The following FBLN5 variants were observed in gnomAD, a reference collection of about 807,000 sequenced individuals.
FBLN5 encodes the protein fibulin 5, also known as fibulin-5.
In FBLN5, 24 loss-of-function variants were observed where a neutral mutation model predicts 61.6. The ratio of observed to expected loss-of-function variants is 0.39; its 90% confidence interval spans 0.28 to 0.55. The LOEUF (loss-of-function observed/expected upper bound fraction) is 0.55. Among genes scored for constraint, FBLN5 ranks in the 20% least tolerant of loss-of-function variants. FBLN5 has a pLI of 0.65. For synonymous variants in FBLN5, 213 were observed against 219.8 expected (o/e 0.97, Z 0.27); for missense variants, 470 against 594.1 (o/e 0.79, Z 2.17).
intron 10 of FBLN5, among the ~76,000 whole-genome samples, chr14:91,875,667 C>T (rs1241355873): frequency 6.6e-6 from 1 of 152,200 alleles, no homozygotes; most frequent in Non-Finnish European, 1.5e-5. Flanking sequence ...CTTTCTACCA[C>T]CTGCTCCTCC....
At chr14:91,891,716 T>G (rs1890004792) in intron 5 of FBLN5, among the ~76,000 whole-genome samples, 2 of 152,192 alleles carry the variant, frequency 1.3e-5, no homozygotes, top group African/African-American at 4.8e-5. Context: ...CTCTAAGATT[T>G]GAGATTACCC....
chr14:91,882,949 C>T lies in FBLN5; in HGVS notation c.862+5G>A. Reference sequence around the variant, plus strand: ...CCCCAGCCAGGCCCCTCCGGACAGCCTTACCTTGGCAGCTTCGGTTGTCAT... The same window carrying T: ...CCCCAGCCAGGCCCCTCCGGACAGCTTTACCTTGGCAGCTTCGGTTGTCAT... On this transcript the variant is annotated splice_donor_5th_base_variant and intron_variant, in intron 8 of 10. Transcript: ENST00000342058. The surrounding 1 kb of genome is among the most constrained non-coding windows in gnomAD (Gnocchi z 4.9). 2 of 1,613,764 alleles carry T rather than the reference C, an allele frequency of 1.2e-6. No homozygotes were observed. Among genetic ancestry groups the T allele is most frequent in the Non-Finnish European group, 1.7e-6 (2 of 1,179,778 alleles).
At chr14:91,892,835 G>A (rs1890049874) in intron 5 of FBLN5, among the ~76,000 whole-genome samples, 1 of 152,228 alleles carries the variant, frequency 6.6e-6, no homozygotes, top group Non-Finnish European at 1.5e-5. Context: ...CATTTTGAAA[G>A]GGAAAGGTGA....
Position 91,947,176 on chromosome 14 carries a change from A to G in FBLN5, c.17+37T>C. On this transcript the variant is annotated intron_variant, in intron 1 of 10. Transcript: ENST00000342058. This position sits in a 1 kb window ranked among gnomAD's most constrained non-coding sequence, Gnocchi z 4.3. Reference sequence around the variant, plus strand: ...ATCGGATTTTTAGCAAGGCTTCCAGACCCTGGAGAAAGAAAAGTCCAGCGC... The same window carrying G: ...ATCGGATTTTTAGCAAGGCTTCCAGGCCCTGGAGAAAGAAAAGTCCAGCGC... 3 of 1,613,960 alleles carry G rather than the reference A, an allele frequency of 1.9e-6. No individual in the cohort carries two copies. The highest frequency in any genetic ancestry group is 2.5e-6 in the Non-Finnish European group (3 of 1,179,844).
intron 4 of FBLN5, among the ~76,000 whole-genome samples, chr14:91,908,362 G>A (rs1890771897): frequency 6.6e-6 from 1 of 152,080 alleles, no homozygotes; most frequent in Non-Finnish European, 1.5e-5. Flanking sequence ...CCCCTTCTTA[G>A]CAGCATTTGG....
intron 5 of FBLN5, 97 bp from the exon 6 acceptor site, chr14:91,891,434 C>A (rs1889991944): frequency 1.2e-6 from 1 of 841,128 alleles, no homozygotes; most frequent in African/African-American, 1.7e-5. Flanking sequence ...CAAACAGGAT[C>A]ATGAACGGAA....
chr14:91,898,568 A>G (rs1390436238), intron 4 of FBLN5, among the ~76,000 whole-genome samples: 1 of 152,128 alleles, frequency 6.6e-6, no homozygotes. Flanking sequence ...CACAGAAGGA[A>G]AAATACATTG....
At chr14:91,908,716 A>C (rs933450832) in intron 4 of FBLN5, among the ~76,000 whole-genome samples, 1 of 152,208 alleles carries the variant, frequency 6.6e-6, no homozygotes, top group Non-Finnish European at 1.5e-5. Context: ...GTTCTAAAAC[A>C]TAGGAGCCCA....
chr14:91,923,127 C>T (rs941312203), intron 4 of FBLN5, among the ~76,000 whole-genome samples: 4 of 152,162 alleles, frequency 2.6e-5, no homozygotes, highest in Non-Finnish European at 5.9e-5. Flanking sequence ...TGGAGGAAGC[C>T]TCACAGATAA....
chr14:91,927,436 C>T (rs954572667), intron 4 of FBLN5, among the ~76,000 whole-genome samples: 4 of 152,218 alleles, frequency 2.6e-5, no homozygotes, highest in Admixed American at 6.5e-5. Flanking sequence ...TGTACAGAAC[C>T]TATGTGAGTC....
At chr14:91,886,226 T>C (rs1889718112) in intron 7 of FBLN5, among the ~76,000 whole-genome samples, 1 of 152,212 alleles carries the variant, frequency 6.6e-6, no homozygotes, top group Non-Finnish European at 1.5e-5. Flanking sequence ...ATTTAGACTT[T>C]GCAAATTCAC....
intron 1 of FBLN5, chr14:91,946,927 C>T: frequency 2.1e-6 from 3 of 1,457,270 alleles, no homozygotes; most frequent in Non-Finnish European, 2.7e-6. Flanking sequence ...AGTTGCTGCC[C>T]TTTCCAGAAA....
chr14:91,943,817 C>T lies in FBLN5; in HGVS notation c.18-856G>A, dbSNP rs918235776. Among the ~76,000 whole-genome samples, 4 of 152,024 alleles carry T rather than the reference C, an allele frequency of 2.6e-5. No individual in the cohort carries two copies. Among genetic ancestry groups the T allele is most frequent in the African/African-American group, 7.2e-5 (3 of 41,400 alleles). On this transcript the variant is annotated intron_variant, in intron 1 of 10. Transcript: ENST00000342058. This position sits in a 1 kb window ranked among gnomAD's most constrained non-coding sequence, Gnocchi z 4.0. Reference sequence around the variant, plus strand: ...CCTGTCCCCTGAAGAGTGTGGCCTGCGGGAACTGCTGCCAGCAGGTCCTGA... The same window carrying T: ...CCTGTCCCCTGAAGAGTGTGGCCTGTGGGAACTGCTGCCAGCAGGTCCTGA...
At chr14:91,886,090 T>G (rs1397256413) in intron 7 of FBLN5, among the ~76,000 whole-genome samples, 1 of 152,246 alleles carries the variant, frequency 6.6e-6, no homozygotes, top group East Asian at 1.9e-4. Context: ...GTTCCATTCA[T>G]GACCTGGGTC....
Position 91,924,145 on chromosome 14 carries a change from G to A in FBLN5, c.379+12802C>T, listed in dbSNP as rs541212587. Among the ~76,000 whole-genome samples the A allele has an allele frequency of 2.6e-5, 4 of 152,300 alleles. No individual in the cohort carries two copies. The South Asian group carries it at 8.3e-4, about 32-fold the overall frequency. ...TCTCCTGTTCAAGGTCATCACCAAGGTCTGATTGCAAAAATTTTAAAAATT... is the reference window on the plus strand; with the variant it reads ...TCTCCTGTTCAAGGTCATCACCAAGATCTGATTGCAAAAATTTTAAAAATT... On this transcript the variant is annotated intron_variant, in intron 4 of 10. Transcript: ENST00000342058.
intron 1 of FBLN5, among the ~76,000 whole-genome samples, chr14:91,946,136 G>A (rs1448652120): frequency 1.3e-5 from 2 of 151,744 alleles, no homozygotes; most frequent in African/African-American, 4.8e-5. Context: ...CCCTGGGACA[G>A]GTCTTGCCTC....
rs1006534638 is a variant in FBLN5 at position 91,937,633 on chromosome 14, G to A, written c.125-432C>T. On this transcript the variant is annotated intron_variant, in intron 3 of 10. Coordinates refer to ENST00000342058, the MANE Select transcript of FBLN5 (RefSeq NM_006329.4). ...GAAACTGGTGGCTTTCTAAGAAGAG[G>A]AAGAGAGACCTCAGCTAGCAGCCCA... Among the ~76,000 whole-genome samples the A allele has an allele frequency of 8.5e-5, 13 of 152,228 alleles. No homozygotes were observed. In the South Asian group the frequency reaches 2.5e-3, roughly 29 times the overall value.
chr14:91,941,726 T>C (rs544925651), intron 2 of FBLN5, among the ~76,000 whole-genome samples: 25 of 152,274 alleles, frequency 1.6e-4, no homozygotes, highest in African/African-American at 5.8e-4. Flanking sequence ...ATTCTCACTC[T>C]AGCCCCTACT....
rs75146267 is a variant in FBLN5, at chr14:91,908,242, T to C, written c.380-13170A>G. ...GCACACCTCCCGTTCTTGACTCCAA[T>C]CAGGCTTCCTTCTCTTTTATTCCAT... On this transcript the variant is annotated intron_variant, in intron 4 of 10. Transcript: ENST00000342058. Among the ~76,000 whole-genome samples the C allele has an allele frequency of 6.3e-3, 961 of 152,346 alleles. 10 individuals carry two copies. The highest frequency in any genetic ancestry group is 0.022 in the African/African-American group (903 of 41,584).
Sources: allele counts gnomAD v4.1 joint callset (sites outside exome capture counted in the v4.1 genomes callset), GRCh38; gene constraint gnomAD v4.1.1; non-coding constraint Gnocchi (gnomAD v3.1); transcripts MANE v1.5; gene names NCBI Gene and HGNC (gene_info 2026-07-23, HGNC 2026-07-21).